Variants in TG observed in about 807,000 individuals in gnomAD.
TG encodes thyroglobulin, also known as thyroid hormones.
Under a neutral mutation model 324.7 loss-of-function variants are expected in TG, and 270 were observed. The ratio of observed to expected loss-of-function variants is 0.83; its 90% confidence interval spans 0.75 to 0.92. The LOEUF is 0.92. TG is among the 40% of genes least tolerant of loss of function. The pLI is 0.00. For missense variants in TG, 3,591 were observed against 3,456.4 expected (o/e 1.04, Z -0.98); for synonymous variants, 1,401 against 1,327.0 (o/e 1.06, Z -1.21).
At chr8:133,069,624 T>C (rs924130027) in intron 41 of TG, among the ~76,000 whole-genome samples, 2 of 152,164 alleles carry the variant, frequency 1.3e-5, no homozygotes, top group Admixed American at 1.3e-4. Flanking sequence ...ATAAGTGCCT[T>C]GAGAGCAGCC....
chr8:132,949,006 G>T, intron 27 of TG, 63 bp downstream of exon 27: 1 of 1,502,560 alleles, frequency 6.7e-7, no homozygotes, highest in Middle Eastern at 1.7e-4. Flanking sequence ...AAGGCCCTCT[G>T]CTACTTTCTT....
At chr8:133,000,592 G>C (rs926059724) in intron 35 of TG, among the ~76,000 whole-genome samples, 2 of 152,194 alleles carry the variant, frequency 1.3e-5, no homozygotes, top group South Asian at 4.1e-4. Context: ...AGGAGTGACC[G>C]GAAGAGTCAC....
chr8:133,109,910 G>A (rs924784606), intron 43 of TG, among the ~76,000 whole-genome samples: 3 of 152,130 alleles, frequency 2.0e-5, no homozygotes, highest in Non-Finnish European at 2.9e-5. Flanking sequence ...AGGAGGCATT[G>A]GTATCTTGGC....
intron 45 of TG, among the ~76,000 whole-genome samples, chr8:133,126,854 C>T (rs1389324013): frequency 6.6e-6 from 1 of 152,058 alleles, no homozygotes; most frequent in African/African-American, 2.4e-5. Context: ...ACTTTCATTC[C>T]TCCCCGTTCC....
chr8:132,965,326 A>G (rs548431178), intron 29 of TG, among the ~76,000 whole-genome samples: 1 of 152,312 alleles, frequency 6.6e-6, no homozygotes, highest in African/African-American at 2.4e-5. Context: ...GTACTCATAA[A>G]GCCTTTACCT....
At chr8:133,007,090 G>A (rs1834076845) in intron 35 of TG, among the ~76,000 whole-genome samples, 1 of 152,084 alleles carries the variant, frequency 6.6e-6, no homozygotes, top group South Asian at 2.1e-4. Flanking sequence ...GTTTTAGTTT[G>A]GGATGATTTA....
At chr8:133,058,164 G>A (rs773263868) in intron 41 of TG, among the ~76,000 whole-genome samples, 10 of 152,174 alleles carry the variant, frequency 6.6e-5, no homozygotes, top group Non-Finnish European at 7.3e-5. Flanking sequence ...TCACTGCACC[G>A]CCTTCCCCTC....
chr8:133,014,791 T>A (rs922638028), intron 37 of TG, among the ~76,000 whole-genome samples: 6 of 152,230 alleles, frequency 3.9e-5, no homozygotes, highest in African/African-American at 1.4e-4. Flanking sequence ...CTTCCAGACC[T>A]GAGAATGCTT....
chr8:132,993,259 A>G (rs1832549486), intron 35 of TG, among the ~76,000 whole-genome samples: 1 of 152,278 alleles, frequency 6.6e-6, no homozygotes, highest in African/African-American at 2.4e-5. Context: ...TGAATGAATA[A>G]CAGAATGAAA....
chr8:132,891,153 A>G (rs1276804746), intron 10 of TG, among the ~76,000 whole-genome samples: 2 of 152,260 alleles, frequency 1.3e-5, no homozygotes, highest in East Asian at 3.9e-4. Flanking sequence ...CTTGACCCCA[A>G]CTACTGGGAT....
intron 21 of TG, among the ~76,000 whole-genome samples, chr8:132,920,492 G>A (rs1820951032): frequency 6.6e-6 from 1 of 152,150 alleles, no homozygotes; most frequent in Middle Eastern, 3.2e-3. Context: ...TGAGAGTCTG[G>A]CATTCTTCCT....
At chr8:133,122,169 T>C in intron 45 of TG, among the ~76,000 whole-genome samples, 1 of 152,228 alleles carries the variant, frequency 6.6e-6, no homozygotes, top group East Asian at 1.9e-4. Flanking sequence ...TGTAAACTGA[T>C]CACAGAATAG....
rs757867797 is a variant in TG, at chr8:132,893,809, A to G, written c.2881A>G (p.Lys961Glu). The G allele has an allele frequency of 3.7e-6, 6 of 1,613,866 alleles. No homozygotes were observed. Among genetic ancestry groups the G allele is most frequent in the Admixed American group, 1.7e-5 (1 of 59,988 alleles). The change falls in exon 11 of 48, where the codon AAG (lysine) becomes GAG (glutamate). Residue 961 changes from lysine (K) to glutamate (E), a missense_variant. Lys to Glu is a moderately conservative substitution (Grantham distance 56). Coordinates refer to ENST00000220616, the MANE Select transcript of TG (RefSeq NM_003235.5). ...TCTGGGGGAGAGTTTCCTGGTGGCC[A>G]AGGGAATCCGGCTGAGGAATGAGGA... ...FPLGESFLVA[K>E]GIRLRNEDLG... is the part of the protein sequence containing the mutation.
rs6150825 is a variant in TG at position 132,957,742 on chromosome 8, T to TACACACACACAC, written c.5402-3235_5402-3224dup. 4.6e-4 allele frequency among the ~76,000 whole-genome samples: 19 copies of TACACACACACAC among 41,548 alleles called. 1 individual carries two copies. The highest frequency in any genetic ancestry group is 4.0e-3 in the South Asian group (4 of 994). 27.3% of individuals were successfully genotyped at this position (41,548 alleles called of 152,430 possible). On this transcript the variant is annotated intron_variant, in intron 27 of 47. Coordinates refer to ENST00000220616, the MANE Select transcript of TG (RefSeq NM_003235.5). ...ATTCCCCAGTGATTTCATGGTAAAC[T>TACACACACACAC]ACACACACACACACACACACACACA...
chr8:133,133,591 C>T lies in TG; in HGVS notation c.8119C>T (p.Arg2707Ter), dbSNP rs890862536. 17 of 1,614,126 alleles carry T rather than the reference C, an allele frequency of 1.1e-5. No individual in the cohort carries two copies. The highest frequency in any genetic ancestry group is 6.7e-5 in the East Asian group (3 of 44,902). ...GGAGTTCAGTGAGCTGCTCCCCAAT[C>T]GACAGGGCCTGAAGAAAGCCGACTG... ...YKEFSELLPN[R>*]QGLKKADCSF... Residue 2707 changes from arginine (R) to a stop codon, truncating the protein, a stop_gained, in exon 47 of 48, where the codon CGA becomes TGA. Coordinates refer to ENST00000220616, the MANE Select transcript of TG (RefSeq NM_003235.5). LOFTEE classifies it high-confidence loss of function.
chr8:132,887,796 T>G (rs566176606), intron 9 of TG, among the ~76,000 whole-genome samples, 188 bp from the exon 10 acceptor site: 2 of 152,306 alleles, frequency 1.3e-5, no homozygotes, highest in South Asian at 4.1e-4. Flanking sequence ...CACCAACTGA[T>G]GTCAATGGTG....
At chr8:133,115,199 C>T (rs1457414105) in intron 44 of TG, among the ~76,000 whole-genome samples, 1 of 152,064 alleles carries the variant, frequency 6.6e-6, no homozygotes, top group African/African-American at 2.4e-5. Flanking sequence ...AGAGCTGAGA[C>T]TGAGGGAAGG....
chr8:132,940,558 G>GAA (rs1824300957), intron 25 of TG, among the ~76,000 whole-genome samples: 2 of 152,190 alleles, frequency 1.3e-5, no homozygotes, highest in African/African-American at 4.8e-5. Flanking sequence ...TCATAATAAA[G>GAA]AAATGCTTCT....
At chr8:132,885,493 T>A (rs1358820952) in intron 8 of TG, among the ~76,000 whole-genome samples, 1 of 152,104 alleles carries the variant, frequency 6.6e-6, no homozygotes, top group African/African-American at 2.4e-5. Context: ...TAGGAACCAC[T>A]AACAGCATTT....
Sources: gnomAD v4.1 joint callset for allele counts (sites outside exome capture counted in the v4.1 genomes callset) on GRCh38, gnomAD v4.1.1 for gene constraint, MANE v1.5 for transcripts, NCBI Gene and HGNC (gene_info 2026-07-23, HGNC 2026-07-21) for gene names.